Variants in NRG1 observed in about 807,000 individuals in gnomAD.
NRG1 encodes the protein neuregulin 1, also known as pro-neuregulin-1, membrane-bound isoform.
Under a neutral mutation model 63.8 loss-of-function variants are expected in NRG1, and 18 were observed. That is an observed-to-expected ratio of 0.28 (90% confidence interval 0.19 to 0.42). The LOEUF is 0.42. Among genes scored for constraint, NRG1 ranks in the 10% least tolerant of loss-of-function variants. The probability of loss-of-function intolerance (pLI) is 1.00; values close to 1 mark genes in which losing one functional copy is unlikely to be tolerated. For synonymous variants in NRG1, 302 were observed against 301.3 expected (o/e 1.00, Z -0.02); for missense variants, 762 against 814.7 (o/e 0.94, Z 0.79).
At chr8:32,064,389 A>G (rs1824402579) in intron 1 of NRG1, among the ~76,000 whole-genome samples, 1 of 152,036 alleles carries the variant, frequency 6.6e-6, no homozygotes, top group Admixed American at 6.6e-5. Context: ...TGTCAAAACC[A>G]TTTGTTCCCT....
chr8:31,970,657 G>A (rs1199850339), intron 1 of NRG1, among the ~76,000 whole-genome samples: 1 of 152,126 alleles, frequency 6.6e-6, no homozygotes, highest in South Asian at 2.1e-4. Context: ...ACCACCCACT[G>A]TTTTAAGCAG....
chr8:32,163,509 A>G (rs1839070805), intron 1 of NRG1, among the ~76,000 whole-genome samples: 1 of 152,186 alleles, frequency 6.6e-6, no homozygotes, highest in Non-Finnish European at 1.5e-5. Context: ...GGCAAGAAGA[A>G]AAAGAACGTG....
intron 1 of NRG1, among the ~76,000 whole-genome samples, chr8:32,233,563 A>ATATATATTTTTTT (rs34593729): frequency 3.0e-5 from 2 of 67,264 alleles, no homozygotes; most frequent in Non-Finnish European, 2.5e-5. Flanking sequence ...ATATATATAT[A>ATATATATTTTTTT]TTTTTTTTTT....
intron 5 of NRG1, among the ~76,000 whole-genome samples, chr8:32,655,623 G>A (rs183733337): frequency 3.0e-4 from 45 of 152,206 alleles, no homozygotes; most frequent in Admixed American, 5.9e-4. Flanking sequence ...TGGTCTGTAG[G>A]ACTTTACTAA....
At chr8:32,638,978 C>CT (rs570262130) in intron 5 of NRG1, among the ~76,000 whole-genome samples, 41 of 149,846 alleles carry the variant, frequency 2.7e-4, no homozygotes, top group East Asian at 5.9e-4. Context: ...TTTATTTCTT[C>CT]TTTTTTTTTT....
In NRG1 at chr8:31,900,829, G is replaced by A. The variant is rs148043527; in HGVS notation, c.37+261398G>A. Among the ~76,000 whole-genome samples the A allele has an allele frequency of 2.2e-4, 34 of 152,208 alleles. No homozygotes were observed. The Middle Eastern group carries it at 0.01, about 46-fold the overall frequency. ...GCCATCAGAGAAACTGCTTCACTGC[G>A]TCTTATCTTTCCATGCCTGTTCTTG... On this transcript the variant is annotated intron_variant, in intron 1 of 10. Coordinates refer to the NRG1 transcript ENST00000519301.
intron 1 of NRG1, among the ~76,000 whole-genome samples, chr8:32,281,805 A>AC (rs5890633): frequency 0.029 from 4,334 of 151,228 alleles, 138 homozygotes; most frequent in Admixed American, 0.099. Context: ...ACATAGTGAG[A>AC]CCCCCCCCAT....
At chr8:32,537,825 C>T (rs913058322) in intron 1 of NRG1, among the ~76,000 whole-genome samples, 1 of 152,132 alleles carries the variant, frequency 6.6e-6, no homozygotes, top group African/African-American at 2.4e-5. Context: ...GGACAGGCTT[C>T]TCCTTCTCAG....
At chr8:31,653,239 C>T (rs979434615) in intron 1 of NRG1, among the ~76,000 whole-genome samples, 1 of 151,808 alleles carries the variant, frequency 6.6e-6, no homozygotes, top group Non-Finnish European at 1.5e-5. Context: ...ATGCTATTTT[C>T]AACAAAAAAT....
intron 1 of NRG1, among the ~76,000 whole-genome samples, chr8:31,868,596 A>G (rs1196828548): frequency 6.6e-6 from 1 of 152,184 alleles, no homozygotes; most frequent in Non-Finnish European, 1.5e-5. Flanking sequence ...GACCCTTATC[A>G]TCATACTTAA....
chr8:31,992,824 G>A (rs2129632836), intron 1 of NRG1, among the ~76,000 whole-genome samples: 1 of 152,068 alleles, frequency 6.6e-6, no homozygotes, highest in East Asian at 2.0e-4. Context: ...GTGTTGTCAA[G>A]TATGAAATAT....
intron 1 of NRG1, among the ~76,000 whole-genome samples, chr8:31,641,023 C>G (rs986632866): frequency 6.6e-6 from 1 of 152,178 alleles, no homozygotes; most frequent in Non-Finnish European, 1.5e-5. Context: ...GGAAATGTGC[C>G]GGCTGCTTTC....
intron 1 of NRG1, among the ~76,000 whole-genome samples, chr8:31,902,140 G>T (rs1832137899): frequency 6.6e-6 from 1 of 152,114 alleles, no homozygotes; most frequent in Admixed American, 6.5e-5. Flanking sequence ...TACTAGGATG[G>T]TAAGAATTTA....
intron 1 of NRG1, among the ~76,000 whole-genome samples, chr8:32,163,785 G>T (rs575359688): frequency 1.3e-5 from 2 of 152,274 alleles, no homozygotes; most frequent in South Asian, 4.1e-4. Context: ...TTCATTTTCG[G>T]ATTCTTGGCC....
Position 32,114,716 on chromosome 8 carries a change from G to A in NRG1, c.37+475285G>A, listed in dbSNP as rs977268660. Among the ~76,000 whole-genome samples, 24 of 152,134 alleles carry A rather than the reference G, an allele frequency of 1.6e-4. 1 individual carries two copies. The highest frequency in any genetic ancestry group is 2.8e-4 in the Non-Finnish European group (19 of 68,040). Reference sequence around the variant, plus strand: ...TGGTAGATCTGAGGAACAACAAAGAGCTATAGGTCATGTGGATTTCTCTGC... The same window carrying A: ...TGGTAGATCTGAGGAACAACAAAGAACTATAGGTCATGTGGATTTCTCTGC... On this transcript the variant is annotated intron_variant, in intron 1 of 10. Transcript: ENST00000519301.
chr8:32,027,518 G>T (rs1162609715), intron 1 of NRG1, among the ~76,000 whole-genome samples: 2 of 119,102 alleles, frequency 1.7e-5, no homozygotes, highest in Admixed American at 1.0e-4. Context: ...TTGCCATAGC[G>T]TTTTCTTTTC....
chr8:31,893,333 G>T (rs764584423), intron 1 of NRG1, among the ~76,000 whole-genome samples: 1 of 151,394 alleles, frequency 6.6e-6, no homozygotes. Context: ...GGAACAAAAA[G>T]ATATCACACA....
At chr8:32,193,963 C>A (rs1360234623) in intron 1 of NRG1, among the ~76,000 whole-genome samples, 1 of 152,190 alleles carries the variant, frequency 6.6e-6, no homozygotes, top group African/African-American at 2.4e-5. Context: ...CCTGTGGACA[C>A]CTTGATCTCA....
chr8:32,531,088 A>T (rs1032608411), intron 1 of NRG1, among the ~76,000 whole-genome samples: 4 of 151,750 alleles, frequency 2.6e-5, no homozygotes, highest in Non-Finnish European at 4.4e-5. Flanking sequence ...GCAGAATGAG[A>T]CTCCATCAGA....
Sources: gnomAD v4.1 joint callset for allele counts (sites outside exome capture counted in the v4.1 genomes callset) on GRCh38, gnomAD v4.1.1 for gene constraint, MANE v1.5 for transcripts, NCBI Gene and HGNC (gene_info 2026-07-23, HGNC 2026-07-21) for gene names.